CCBE1: variants seen among roughly 807,000 people sequenced by gnomAD.
CCBE1 encodes collagen and calcium binding EGF domains 1, also known as collagen and calcium-binding EGF domain-containing protein 1.
CCBE1 carries 37 observed loss-of-function variants against 50.0 expected under a neutral mutation model. The ratio of observed to expected loss-of-function variants is 0.74; its 90% CI spans 0.57 to 0.97. The LOEUF is 0.97. Ranked by LOEUF, CCBE1 falls within the 50% of genes least tolerant of loss-of-function variation. CCBE1 has a pLI of 0.00. For missense variants in CCBE1, 538 were observed against 523.8 expected, an observed-to-expected ratio of 1.03 and a Z score of -0.26; for synonymous variants, 234 against 203.7, an observed-to-expected ratio of 1.15 and a Z score of -1.27.
chr18:59,662,150 C>G (rs370692970), intron 2 of CCBE1, among the ~76,000 whole-genome samples: 27 of 152,302 alleles, frequency 1.8e-4, no homozygotes, highest in African/African-American at 5.5e-4. Flanking sequence ...AGTGAAATCA[C>G]CACCAATAAC....
chr18:59,608,566 T>C (rs916531733), intron 2 of CCBE1, among the ~76,000 whole-genome samples: 2 of 152,186 alleles, frequency 1.3e-5, no homozygotes, highest in African/African-American at 4.8e-5. Context: ...AATGAAATGA[T>C]CTAGGGAAGA....
At chr18:59,499,689 C>T (rs527833000) in intron 2 of CCBE1, among the ~76,000 whole-genome samples, 10 of 152,186 alleles carry the variant, frequency 6.6e-5, no homozygotes, top group South Asian at 2.1e-4. Context: ...TCCCACAACA[C>T]GTGGGAATTC....
At chr18:59,437,340 G>A (rs1028752636) in intron 10 of CCBE1, among the ~76,000 whole-genome samples, 2 of 152,324 alleles carry the variant, frequency 1.3e-5, no homozygotes, top group East Asian at 1.9e-4. Context: ...CACTAAGAGA[G>A]GCACAGTATT....
chr18:59,571,792 C>T (rs998781266), intron 2 of CCBE1, among the ~76,000 whole-genome samples: 1 of 152,182 alleles, frequency 6.6e-6, no homozygotes, highest in African/African-American at 2.4e-5. Context: ...GTCATTCTCT[C>T]AAAGTATGAT....
At chr18:59,566,840 G>C (rs1031646332) in intron 2 of CCBE1, among the ~76,000 whole-genome samples, 1 of 152,082 alleles carries the variant, frequency 6.6e-6, no homozygotes, top group African/African-American at 2.4e-5. Flanking sequence ...CTGCTTCCTG[G>C]AATGTTTAGC....
At chr18:59,595,322 A>ACAGAT (rs1258033207) in intron 2 of CCBE1, among the ~76,000 whole-genome samples, 2 of 151,712 alleles carry the variant, frequency 1.3e-5, no homozygotes, top group Non-Finnish European at 2.9e-5. Flanking sequence ...CCAGTGTCGG[A>ACAGAT]CAGATCAGAT....
At position 59,695,482 on chromosome 18, in the gene CCBE1, T is replaced by TG. The variant is rs1183118585; in HGVS notation, c.212+1146dup. The stretch of plus-strand genomic sequence containing the variant: ...CCTTTCCTAAGCCCAAGGAGTGACT[T>TG]GATTTGCCTGATTATTGTCCCTTCA... On this transcript the variant is annotated intron_variant, in intron 2 of 10. Transcript: ENST00000439986. Among the ~76,000 whole-genome samples the TG allele has an allele frequency of 5.3e-5, 8 of 152,228 alleles. No individual in the cohort carries two copies. In the East Asian group the frequency reaches 1.5e-3, roughly 29 times the overall value.
intron 2 of CCBE1, among the ~76,000 whole-genome samples, chr18:59,560,438 G>A (rs564926985): frequency 6.6e-4 from 100 of 152,238 alleles, no homozygotes; most frequent in East Asian, 4.8e-3. Flanking sequence ...ATCACACACC[G>A]GGGCCTGTCA....
chr18:59,638,428 A>G lies in CCBE1; in HGVS notation c.212+58201T>C, dbSNP rs576370492. Among the ~76,000 whole-genome samples, 5 of 152,248 alleles carry G rather than the reference A, an allele frequency of 3.3e-5. No individual in the cohort carries two copies. The South Asian group carries it at 8.3e-4, about 25-fold the overall frequency. On this transcript the variant is annotated intron_variant, in intron 2 of 10. Transcript: ENST00000439986. ...GGTTCTTGAAGTGTGGTCCTGGACC[A>G]GCAGCATCAGCACCACTAGAGAACT...
intron 2 of CCBE1, among the ~76,000 whole-genome samples, chr18:59,671,581 G>A (rs1371494485): frequency 6.6e-6 from 1 of 151,810 alleles, no homozygotes; most frequent in Non-Finnish European, 1.5e-5. Flanking sequence ...TCTTCAGCAA[G>A]AAAAGTGATA....
chr18:59,539,217 C>A (rs974593426), intron 2 of CCBE1, among the ~76,000 whole-genome samples: 1 of 149,452 alleles, frequency 6.7e-6, no homozygotes, highest in Non-Finnish European at 1.5e-5. Flanking sequence ...CAAAAAAAAA[C>A]AGCAAGAAAA....
chr18:59,635,661 C>T (rs1233365606), intron 2 of CCBE1, among the ~76,000 whole-genome samples: 2 of 151,562 alleles, frequency 1.3e-5, no homozygotes, highest in Non-Finnish European at 2.9e-5. Flanking sequence ...TGATTGTTCA[C>T]CTAAGAGTAA....
intron 2 of CCBE1, among the ~76,000 whole-genome samples, chr18:59,683,451 T>C (rs949258818): frequency 2.0e-5 from 3 of 152,156 alleles, no homozygotes; most frequent in African/African-American, 7.2e-5. Flanking sequence ...ATCCCAGCAC[T>C]GTGGGAGGCT....
chr18:59,603,137 G>A (rs931035723), intron 2 of CCBE1, among the ~76,000 whole-genome samples: 1 of 152,206 alleles, frequency 6.6e-6, no homozygotes, highest in African/African-American at 2.4e-5. Flanking sequence ...AATCCAGTGT[G>A]TGTATCCGCC....
Position 59,629,509 on chromosome 18 carries a change from T to A in CCBE1, c.212+67120A>T, listed in dbSNP as rs2053825935. Among the ~76,000 whole-genome samples, 4 of 152,234 alleles carry A rather than the reference T, an allele frequency of 2.6e-5. No individual in the cohort carries two copies. In the South Asian group the frequency reaches 8.3e-4, roughly 31 times the overall value. On this transcript the variant is annotated intron_variant, in intron 2 of 10. Coordinates refer to ENST00000439986, the MANE Select transcript of CCBE1 (RefSeq NM_133459.4). ...GTAAGTTCCTCAACCACTGGACTTT[T>A]GTCTGTTTTGTTCATGAATACATTC...
chr18:59,483,242 GAA>G (rs11356777), intron 2 of CCBE1, among the ~76,000 whole-genome samples: 1 of 138,184 alleles, frequency 7.2e-6, no homozygotes, highest in Non-Finnish European at 1.6e-5. Flanking sequence ...AAAATGTGAT[GAA>G]AAAAATTATT....
intron 2 of CCBE1, among the ~76,000 whole-genome samples, chr18:59,692,938 C>T (rs1216847725): frequency 1.4e-5 from 2 of 146,264 alleles, no homozygotes; most frequent in Non-Finnish European, 3.0e-5. Flanking sequence ...GTTAAAAGAA[C>T]CACTTTGTCA....
At chr18:59,593,597 G>C (rs1191267918) in intron 2 of CCBE1, among the ~76,000 whole-genome samples, 3 of 152,206 alleles carry the variant, frequency 2.0e-5, no homozygotes, top group African/African-American at 4.8e-5. Context: ...AAGAGGCCTA[G>C]TGTTCTTACA....
At chr18:59,536,548 C>A (rs1368277989) in intron 2 of CCBE1, among the ~76,000 whole-genome samples, 1 of 152,058 alleles carries the variant, frequency 6.6e-6, no homozygotes, top group Non-Finnish European at 1.5e-5. Context: ...CCCAGAAAAA[C>A]AAAAGTAAGA....
Sources: gnomAD v4.1 joint callset for allele counts (sites outside exome capture counted in the v4.1 genomes callset) on GRCh38, gnomAD v4.1.1 for gene constraint, MANE v1.5 for transcripts, NCBI Gene and HGNC (gene_info 2026-07-23, HGNC 2026-07-21) for gene names.